Variants in NEK5 observed in about 807,000 individuals in gnomAD.
NEK5 encodes the protein serine/threonine-protein kinase Nek5.
NEK5 carries 88 observed loss-of-function variants against 109.2 expected under a neutral mutation model. That is an observed-to-expected ratio of 0.81 (90% CI 0.68 to 0.96). The LOEUF (loss-of-function observed/expected upper bound fraction) is 0.96, where lower values mean the gene tolerates loss of function less well. Among genes scored for constraint, NEK5 ranks in the 40% least tolerant of loss-of-function variants. NEK5 has a pLI of 0.00. For missense variants in NEK5, 834 were observed against 920.7 expected, an observed-to-expected ratio of 0.91 and a Z score of 1.22; for synonymous variants, 283 against 299.9, an observed-to-expected ratio of 0.94 and a Z score of 0.58.
intron 17 of NEK5, among the ~76,000 whole-genome samples, chr13:52,077,503 G>A (rs1025859453): frequency 7.2e-5 from 11 of 152,220 alleles, no homozygotes; most frequent in Admixed American, 5.2e-4. Flanking sequence ...GATGGAAACC[G>A]AAGATGAGTG....
chr13:52,064,560 G>A (rs1282344234), intron 21 of NEK5, among the ~76,000 whole-genome samples: 3 of 151,480 alleles, frequency 2.0e-5, no homozygotes, highest in Admixed American at 6.5e-5. Flanking sequence ...ACCTCTGCCC[G>A]GCCGCCCCTA....
intron 14 of NEK5, among the ~76,000 whole-genome samples, chr13:52,088,778 T>C (rs956845314): frequency 3.9e-5 from 6 of 152,024 alleles, no homozygotes; most frequent in African/African-American, 1.4e-4. Context: ...GTTCCCATTA[T>C]TTTATTTAGC....
rs1954792594 is a variant in NEK5, at chr13:52,072,012, T to C, written c.1781A>G (p.Tyr594Cys). ...ATCTCCATGCTCCTTTACACATTCATATTCCTTAAACTTCATGCCATCCTC... is the reference window on the plus strand; with the variant it reads ...ATCTCCATGCTCCTTTACACATTCACATTCCTTAAACTTCATGCCATCCTC... ...TFEDGMKFKE[Y>C]ECVKEHGDYT... Residue 594 changes from tyrosine (Y) to cysteine (C), a missense_variant, in exon 20 of 24, where the codon TAT (tyrosine) becomes TGT (cysteine). This residue lies in a region of NEK5 where 777 missense variants were observed against 824.7 expected (regional missense o/e 0.94). Transcript: ENST00000684899. 1 of 1,611,012 alleles carries C rather than the reference T, an allele frequency of 6.2e-7. No homozygotes were observed. Among genetic ancestry groups the C allele is most frequent in the Non-Finnish European group, 8.5e-7 (1 of 1,177,232 alleles).
intron 13 of NEK5, among the ~76,000 whole-genome samples, chr13:52,090,320 C>T (rs927654455): frequency 1.3e-5 from 2 of 152,150 alleles, no homozygotes; most frequent in Non-Finnish European, 2.9e-5. Flanking sequence ...ACTTCTAAGG[C>T]TCCAAAGACA....
At position 52,108,318 on chromosome 13, in the gene NEK5, G is replaced by C; in HGVS notation, c.554C>G (p.Thr185Arg). ...ICQNKPYNNK[T>R]DIWSLGCVLY... ...TTCAAACTAAGAGTCAGCAACTTAC[G>C]TTTTATTGTTGTAGGGTTTATTCTG... is the stretch of plus-strand genomic sequence containing the variant. The change falls in exon 8 of 24, where the codon ACG becomes AGG. Residue 185 changes from threonine (T) to arginine (R), a missense_variant and splice_region_variant. By Grantham distance (71) the Thr-to-Arg change is moderately conservative (BLOSUM62 -1). Coordinates refer to ENST00000684899, the MANE Select transcript of NEK5 (RefSeq NM_001365552.1). 6.3e-7 allele frequency: 1 copy of C among 1,591,770 alleles called. No individual in the cohort carries two copies. Among genetic ancestry groups the C allele is most frequent in the Non-Finnish European group, 8.6e-7 (1 of 1,163,022 alleles).
intron 21 of NEK5, among the ~76,000 whole-genome samples, chr13:52,064,283 T>G (rs1427074300): frequency 7.6e-6 from 1 of 131,080 alleles, no homozygotes; most frequent in Non-Finnish European, 1.6e-5. Context: ...GGGGCGCCTC[T>G]GCCCGGCCGC....
chr13:52,105,079 T>C (rs1356870542), intron 8 of NEK5, among the ~76,000 whole-genome samples: 2 of 152,214 alleles, frequency 1.3e-5, no homozygotes, highest in African/African-American at 4.8e-5. Flanking sequence ...AATATTTATA[T>C]GTGATTGGTT....
At position 52,037,095 on chromosome 13, in the gene NEK5, C is replaced by CT; in HGVS notation, c.2351dup (p.Ser785ValfsTer13). 1.0e-6 allele frequency: 1 copy of CT among 985,390 alleles called. No individual in the cohort carries two copies. The highest frequency in any genetic ancestry group is 1.2e-6 in the Non-Finnish European group (1 of 829,904). The allele number at this position is 985,390 out of a possible 1,614,324, so 61.0% of individuals were successfully genotyped here. ...TACTTATCCCCTCTCTTTCTCTTGA[C>CT]TTTCTAGAGTCCTTAGAGGTACTGG... On this transcript the variant is annotated frameshift_variant, in exon 24 of 24. Coordinates refer to ENST00000684899, the MANE Select transcript of NEK5 (RefSeq NM_001365552.1). LOFTEE classifies it high-confidence loss of function.
intron 20 of NEK5, among the ~76,000 whole-genome samples, chr13:52,067,805 G>C (rs546166518): frequency 6.6e-6 from 1 of 151,854 alleles, no homozygotes; most frequent in South Asian, 2.1e-4. Context: ...GATTCTTGTG[G>C]CTCAGCCTCC....
intron 20 of NEK5, among the ~76,000 whole-genome samples, chr13:52,066,694 C>T (rs752050160): frequency 4.0e-5 from 6 of 151,772 alleles, no homozygotes; most frequent in Non-Finnish European, 8.8e-5. Flanking sequence ...GTCCCAGCTA[C>T]TCGGGAGGCT....
chr13:52,120,749 A>G (rs1422505560), intron 3 of NEK5, among the ~76,000 whole-genome samples: 1 of 152,044 alleles, frequency 6.6e-6, no homozygotes, highest in African/African-American at 2.4e-5. Context: ...TGTCTCTACT[A>G]AAAACACAAA....
intron 8 of NEK5, among the ~76,000 whole-genome samples, 179 bp downstream of exon 8, chr13:52,108,139 C>T (rs1454328763): frequency 1.3e-5 from 2 of 151,904 alleles, no homozygotes; most frequent in East Asian, 1.9e-4. Flanking sequence ...TATTGGACCG[C>T]GAGAAATAGC....
chr13:52,080,714 A>G (rs1441291638), intron 17 of NEK5, among the ~76,000 whole-genome samples: 1 of 151,984 alleles, frequency 6.6e-6, no homozygotes, highest in Non-Finnish European at 1.5e-5. Context: ...AAGAGTCATC[A>G]CCACTCCCTA....
At chr13:52,073,711 CTAT>C (rs1208563530) in intron 19 of NEK5, among the ~76,000 whole-genome samples, 1 of 152,126 alleles carries the variant, frequency 6.6e-6, no homozygotes, top group Non-Finnish European at 1.5e-5. Flanking sequence ...GCTTATGATA[CTAT>C]AGGTTGAAAA....
chr13:52,064,538 G>C (rs955550487), intron 21 of NEK5, among the ~76,000 whole-genome samples: 4 of 151,584 alleles, frequency 2.6e-5, no homozygotes, highest in African/African-American at 9.7e-5. Flanking sequence ...CCCCGTCCGG[G>C]AGGTGAGGGG....
intron 12 of NEK5, among the ~76,000 whole-genome samples, chr13:52,096,245 G>T (rs1422198328): frequency 6.6e-6 from 1 of 152,144 alleles, no homozygotes; most frequent in Admixed American, 6.5e-5. Flanking sequence ...CCAGGAGTGG[G>T]GTATTGTATA....
In NEK5 at chr13:52,119,348, T is replaced by C. The variant is rs747050206; in HGVS notation, c.185A>G (p.Asn62Ser). The change falls in exon 4 of 24, where the codon AAC becomes AGC. Residue 62 changes from asparagine (N) to serine (S), a missense_variant. By Grantham distance (46) the Asn-to-Ser change is conservative. This residue lies in a region of NEK5 where 777 missense variants were observed against 824.7 expected (regional missense o/e 0.94). Coordinates refer to ENST00000684899, the MANE Select transcript of NEK5 (RefSeq NM_001365552.1). ...AAATGAATTGAAGAAGGCTACAATG[T>C]TGGGATGTTTCATCTTTTCCAGAAG... ...VILLEKMKHPNIVAFFNSFQE... is the reference protein window; with the variant it reads ...VILLEKMKHPSIVAFFNSFQE... The C allele has an allele frequency of 1.5e-5, 24 of 1,601,356 alleles. No individual in the cohort carries two copies. The Admixed American group carries it at 2.0e-4, about 13-fold the overall frequency.
intron 23 of NEK5, among the ~76,000 whole-genome samples, chr13:52,046,656 A>T (rs1954462109): frequency 6.6e-6 from 1 of 151,976 alleles, no homozygotes. Context: ...GATTGAGCCC[A>T]GGAGGTCGAG....
At chr13:52,098,682 CTA>C (rs757835140) in intron 12 of NEK5, among the ~76,000 whole-genome samples, 3 of 152,072 alleles carry the variant, frequency 2.0e-5, no homozygotes, top group Non-Finnish European at 4.4e-5. Flanking sequence ...TTTTCTGTTG[CTA>C]TGTTACTCAC....
Sources: gnomAD v4.1 joint callset for allele counts (sites outside exome capture counted in the v4.1 genomes callset) on GRCh38, gnomAD v4.1.1 for gene constraint, gnomAD v4.1.1 regional missense constraint, MANE v1.5 for transcripts, NCBI Gene and HGNC (gene_info 2026-07-23, HGNC 2026-07-21) for gene names.